The following GSE1 variants were observed in gnomAD, a reference collection of about 807,000 sequenced individuals.
GSE1 encodes genetic suppressor element 1.
Under a neutral mutation model 112.6 loss-of-function variants are expected in GSE1, and 32 were observed. That is an observed-to-expected ratio of 0.28 (90% CI 0.21 to 0.38). The LOEUF is 0.38. Ranked by LOEUF, GSE1 falls within the 10% of genes least tolerant of loss-of-function variation. GSE1 has a pLI of 1.00. For missense variants in GSE1, 2,348 were observed against 1,699.2 expected, an observed-to-expected ratio of 1.38 and a Z score of -6.71; for synonymous variants, 1,115 against 735.6, an observed-to-expected ratio of 1.52 and a Z score of -8.35.
At chr16:85,201,881 C>G (rs1352987435) in intron 1 of GSE1, among the ~76,000 whole-genome samples, 1 of 152,218 alleles carries the variant, frequency 6.6e-6, no homozygotes, top group Non-Finnish European at 1.5e-5. Context: ...TTTTCAGGGC[C>G]TCCTGGATTT....
At chr16:85,628,446 G>T (rs781349536) in intron 1 of GSE1, among the ~76,000 whole-genome samples, 13 of 152,190 alleles carry the variant, frequency 8.5e-5, no homozygotes, top group Non-Finnish European at 1.8e-4. Flanking sequence ...CCGGGGTAGG[G>T]AGGTTGCTGT....
At chr16:85,474,463 T>C (rs977245194) in intron 2 of GSE1, among the ~76,000 whole-genome samples, 1 of 152,050 alleles carries the variant, frequency 6.6e-6, no homozygotes, top group African/African-American at 2.4e-5. Flanking sequence ...AGAGGGGCCA[T>C]GCCAGCCCCG....
intron 2 of GSE1, among the ~76,000 whole-genome samples, chr16:85,378,772 G>T (rs2047479416): frequency 6.6e-6 from 1 of 152,134 alleles, no homozygotes; most frequent in Non-Finnish European, 1.5e-5. Flanking sequence ...GAAAGCACCT[G>T]CCAGTCCCCT....
At chr16:85,242,188 C>A (rs1347597989) in intron 1 of GSE1, among the ~76,000 whole-genome samples, 1 of 152,196 alleles carries the variant, frequency 6.6e-6, no homozygotes, top group Admixed American at 6.5e-5. Context: ...GCTTCCTCTC[C>A]TGGCACCAAA....
At chr16:85,418,472 A>G (rs2048753235) in intron 2 of GSE1, among the ~76,000 whole-genome samples, 1 of 152,162 alleles carries the variant, frequency 6.6e-6, no homozygotes, top group South Asian at 2.1e-4. Flanking sequence ...ATCAGCCCTT[A>G]GCACAAGCCC....
intron 13 of GSE1, among the ~76,000 whole-genome samples, chr16:85,667,295 C>G (rs894615912): frequency 6.6e-6 from 1 of 152,266 alleles, no homozygotes; most frequent in African/African-American, 2.4e-5. Context: ...GTCACTCTGC[C>G]ATACCAGTTT....
At chr16:85,563,254 A>G (rs1133178) in intron 1 of GSE1, among the ~76,000 whole-genome samples, 1 of 151,950 alleles carries the variant, frequency 6.6e-6, no homozygotes, top group African/African-American at 2.4e-5. Flanking sequence ...ATTTAGGAAC[A>G]TAAAACCGTG....
intron 1 of GSE1, among the ~76,000 whole-genome samples, chr16:85,335,855 C>A (rs1303219379): frequency 6.6e-6 from 1 of 152,204 alleles, no homozygotes. Context: ...GCGGGACACC[C>A]TTCAGACCTG....
At chr16:85,317,555 A>C (rs2046012031) in intron 1 of GSE1, among the ~76,000 whole-genome samples, 1 of 152,010 alleles carries the variant, frequency 6.6e-6, no homozygotes, top group South Asian at 2.1e-4. Flanking sequence ...GCCCACAGTG[A>C]GTGTTGGTGA....
At chr16:85,637,903 G>A (rs550796565) in intron 2 of GSE1, among the ~76,000 whole-genome samples, 174 of 152,298 alleles carry the variant, frequency 1.1e-3, no homozygotes, top group African/African-American at 4.0e-3. Context: ...TCCTGGCGAC[G>A]GCACGTCCTG....
exon 1 of GSE1, chr16:85,170,077 C>A (rs1374232455): frequency 2.0e-6 from 2 of 984,982 alleles, no homozygotes; most frequent in Non-Finnish European, 2.4e-6. Flanking sequence ...CCTTTCCGAG[C>A]CCGACCCGCC....
chr16:85,491,381 A>G (rs1361550609), intron 2 of GSE1, among the ~76,000 whole-genome samples: 1 of 152,172 alleles, frequency 6.6e-6, no homozygotes, highest in Non-Finnish European at 1.5e-5. Context: ...CCCTACAGGA[A>G]CAGGAGAGGT....
intron 1 of GSE1, among the ~76,000 whole-genome samples, chr16:85,574,335 G>A (rs1351947196): frequency 6.6e-6 from 1 of 152,240 alleles, no homozygotes; most frequent in Admixed American, 6.5e-5. Context: ...GAGAGGACAA[G>A]TGACCTGCCT....
In GSE1 at chr16:85,498,315, A is replaced by G. The variant is rs118117963; in HGVS notation, c.2465-135599A>G. On this transcript the variant is annotated intron_variant, in intron 2 of 2. Transcript: ENST00000637419. ...GCTACACAGATATACACATGCATAT[A>G]CATCCAGACACACAGACACACACGG... Among the ~76,000 whole-genome samples the G allele has an allele frequency of 4.6e-3, 700 of 152,242 alleles. 8 individuals carry two copies. The highest frequency in any genetic ancestry group is 0.032 in the Admixed American group (493 of 15,298).
chr16:85,665,974 A>C lies in GSE1; in HGVS notation c.2759-2A>C, dbSNP rs758429624. 3 of 1,612,888 alleles carry C rather than the reference A, an allele frequency of 1.9e-6. No homozygotes were observed. The highest frequency in any genetic ancestry group is 2.5e-6 in the Non-Finnish European group (3 of 1,179,856). ...TATTTTCCTTCACTTTGTCTCTAAA[A>C]GAACCAGCCACGCAGCAAGCCTCTC... On this transcript the variant is annotated splice_acceptor_variant, in intron 12 of 15. Coordinates refer to ENST00000253458, the MANE Select transcript of GSE1 (RefSeq NM_014615.5). LOFTEE classifies it high-confidence loss of function.
At chr16:85,417,903 G>A (rs539082802) in intron 2 of GSE1, among the ~76,000 whole-genome samples, 27 of 152,326 alleles carry the variant, frequency 1.8e-4, no homozygotes, top group South Asian at 1.0e-3. Context: ...GCAGGGGCTC[G>A]ATCTCGGCTC....
chr16:85,268,918 G>A (rs1213792193), intron 1 of GSE1, among the ~76,000 whole-genome samples: 1 of 125,982 alleles, frequency 7.9e-6, no homozygotes, highest in Admixed American at 7.7e-5. Context: ...GGACCAGGGG[G>A]CTAGGCTTGC....
intron 2 of GSE1, among the ~76,000 whole-genome samples, chr16:85,391,782 C>T: frequency 6.6e-6 from 1 of 152,266 alleles, no homozygotes; most frequent in Admixed American, 6.5e-5. Flanking sequence ...GGAGTAGATG[C>T]TTGTGGGGCC....
At chr16:85,286,821 C>T (rs2045042944) in intron 1 of GSE1, among the ~76,000 whole-genome samples, 3 of 151,800 alleles carry the variant, frequency 2.0e-5, no homozygotes, top group African/African-American at 7.3e-5. Flanking sequence ...GGGATGTTTT[C>T]TTCCCTGTGT....
Sources: allele counts gnomAD v4.1 joint callset (sites outside exome capture counted in the v4.1 genomes callset), GRCh38; gene constraint gnomAD v4.1.1; transcripts MANE v1.5; gene names NCBI Gene and HGNC (gene_info 2026-07-23, HGNC 2026-07-21).